TLL2: variants seen among roughly 807,000 people sequenced by gnomAD.
The protein encoded by TLL2 is tolloid-like protein 2.
A neutral mutation model predicts 123.0 loss-of-function variants in TLL2; 106 were observed. The ratio of observed to expected loss-of-function variants is 0.86; its 90% CI spans 0.74 to 1.01. TLL2 has a LOEUF of 1.01. TLL2 is among the 50% of genes least tolerant of loss of function. The probability of loss-of-function intolerance (pLI) is 0.00; values close to 1 mark genes in which losing one functional copy is unlikely to be tolerated. For synonymous variants in TLL2, 494 were observed against 516.8 expected (o/e 0.96, Z 0.60); for missense variants, 1,332 against 1,336.7 (o/e 1.00, Z 0.06).
At chr10:96,410,620 A>G in intron 8 of TLL2, 146 bp from the exon 9 acceptor site, 1 of 717,544 alleles carries the variant, frequency 1.4e-6, no homozygotes, top group South Asian at 1.5e-5. Context: ...AAGCAGATTG[A>G]TGTTTTCTGG....
rs563519327 is a variant in TLL2 at position 96,471,357 on chromosome 10, T to C, written c.286+8992A>G. Among the ~76,000 whole-genome samples the C allele has an allele frequency of 2.9e-3, 434 of 152,166 alleles. 3 individuals are homozygous for C. Among genetic ancestry groups the C allele is most frequent in the South Asian group, 0.02 (94 of 4,808 alleles). Reference sequence around the variant, plus strand: ...GATTCAGAGATTTCCCATGTGCTGGTTGGAATCCAAATCCAAGCATCTGAT... The same window carrying C: ...GATTCAGAGATTTCCCATGTGCTGGCTGGAATCCAAATCCAAGCATCTGAT... On this transcript the variant is annotated intron_variant, in intron 2 of 20. Transcript: ENST00000357947.
At position 96,390,030 on chromosome 10, in the gene TLL2, G is replaced by A. The variant is rs145528691; in HGVS notation, c.1727-2952C>T. Among the ~76,000 whole-genome samples, 604 of 152,380 alleles carry A rather than the reference G, an allele frequency of 4.0e-3. 4 individuals carry two copies. The highest frequency in any genetic ancestry group is 0.014 in the African/African-American group (578 of 41,592). On this transcript the variant is annotated intron_variant, in intron 13 of 20. Coordinates refer to ENST00000357947, the MANE Select transcript of TLL2 (RefSeq NM_012465.4). ...CACTGGCTCGTGCTTGCTCTGGGCT[G>A]CAGAGGCCAAGGCCAAGGCCAAGCC...
At chr10:96,389,663 GGA>G (rs1846265919) in intron 13 of TLL2, among the ~76,000 whole-genome samples, 1 of 152,190 alleles carries the variant, frequency 6.6e-6, no homozygotes, top group African/African-American at 2.4e-5. Context: ...GGGGTCTGCA[GGA>G]GACTCTGATA....
At chr10:96,451,165 C>G (rs901391239) in intron 2 of TLL2, among the ~76,000 whole-genome samples, 7 of 152,210 alleles carry the variant, frequency 4.6e-5, no homozygotes, top group Non-Finnish European at 8.8e-5. Context: ...CTTTATGGAA[C>G]AATTCACTAA....
At chr10:96,405,569 A>G (rs1846441644) in intron 9 of TLL2, among the ~76,000 whole-genome samples, 1 of 152,192 alleles carries the variant, frequency 6.6e-6, no homozygotes, top group Non-Finnish European at 1.5e-5. Flanking sequence ...TGTCTGGGGA[A>G]TCACTTGAGC....
chr10:96,510,664 T>C lies in TLL2; in HGVS notation c.175+2847A>G, dbSNP rs1847619834. On this transcript the variant is annotated intron_variant, in intron 1 of 20. Coordinates refer to ENST00000357947, the MANE Select transcript of TLL2 (RefSeq NM_012465.4). ...GATTTGCCCAAGGATACACAGCTTG[T>C]AAGTGGCAGAGTAAATGGTAAAAAT... Among the ~76,000 whole-genome samples the C allele has an allele frequency of 2.0e-5, 3 of 152,184 alleles. No individual in the cohort carries two copies. The South Asian group carries it at 6.2e-4, about 32-fold the overall frequency.
At chr10:96,383,915 G>A (rs1275592497) in intron 16 of TLL2, among the ~76,000 whole-genome samples, 2 of 151,268 alleles carry the variant, frequency 1.3e-5, no homozygotes, top group African/African-American at 4.9e-5. Context: ...ACAGGCATGA[G>A]CCACCACGCC....
chr10:96,425,493 T>A (rs111798114), intron 5 of TLL2, among the ~76,000 whole-genome samples: 2 of 152,002 alleles, frequency 1.3e-5, no homozygotes, highest in East Asian at 1.9e-4. Flanking sequence ...GGAAGCAATA[T>A]GCTTTCTATT....
At chr10:96,449,626 T>C (rs1589425352) in intron 2 of TLL2, among the ~76,000 whole-genome samples, 1 of 152,170 alleles carries the variant, frequency 6.6e-6, no homozygotes, top group Non-Finnish European at 1.5e-5. Context: ...GGCTCCCCCC[T>C]GCCCTTGGGA....
intron 5 of TLL2, among the ~76,000 whole-genome samples, chr10:96,424,503 A>G (rs1208869425): frequency 1.3e-5 from 2 of 152,124 alleles, no homozygotes; most frequent in African/African-American, 4.8e-5. Flanking sequence ...CCTGGCCAAC[A>G]CTGGTTTTAT....
At chr10:96,374,792 G>A (rs545969245) in intron 18 of TLL2, among the ~76,000 whole-genome samples, 3 of 152,266 alleles carry the variant, frequency 2.0e-5, no homozygotes, top group South Asian at 2.1e-4. Context: ...CGCCAGGGGC[G>A]CCGCACCATT....
intron 20 of TLL2, among the ~76,000 whole-genome samples, chr10:96,368,953 C>T (rs1328658784): frequency 6.6e-6 from 1 of 152,164 alleles, no homozygotes; most frequent in Non-Finnish European, 1.5e-5. Flanking sequence ...TGGTTAAGTG[C>T]CACTTTGTCA....
At chr10:96,508,831 C>A (rs762908535) in intron 1 of TLL2, among the ~76,000 whole-genome samples, 1 of 152,052 alleles carries the variant, frequency 6.6e-6, no homozygotes, top group African/African-American at 2.4e-5. Context: ...AAACTGGCCG[C>A]AATGACATCT....
chr10:96,397,329 G>C, intron 10 of TLL2, 27 bp from the exon 11 acceptor site: 1 of 1,579,692 alleles, frequency 6.3e-7, no homozygotes, highest in Admixed American at 1.7e-5. Context: ...GAAGCAGTTA[G>C]GAGCCCTGGG....
At chr10:96,475,143 C>A (rs1394917652) in intron 2 of TLL2, among the ~76,000 whole-genome samples, 1 of 152,116 alleles carries the variant, frequency 6.6e-6, no homozygotes, top group East Asian at 1.9e-4. Context: ...ACAAGGTTGC[C>A]AGAAAGATAA....
chr10:96,502,034 A>G (rs1257339589), intron 1 of TLL2, among the ~76,000 whole-genome samples: 1 of 152,214 alleles, frequency 6.6e-6, no homozygotes, highest in Admixed American at 6.5e-5. Context: ...AAAGGCGATG[A>G]GAAACTTGAA....
intron 10 of TLL2, among the ~76,000 whole-genome samples, chr10:96,399,806 A>C (rs976892205): frequency 6.6e-6 from 1 of 152,212 alleles, no homozygotes; most frequent in Non-Finnish European, 1.5e-5. Context: ...ACAGCCACTG[A>C]GGCTTGTTTC....
intron 1 of TLL2, among the ~76,000 whole-genome samples, chr10:96,482,937 T>G (rs924163060): frequency 2.0e-5 from 3 of 152,194 alleles, no homozygotes; most frequent in Admixed American, 1.3e-4. Context: ...AAACTAAGAA[T>G]GTGTTTCTCT....
At chr10:96,489,589 G>A (rs966951927) in intron 1 of TLL2, among the ~76,000 whole-genome samples, 1 of 152,112 alleles carries the variant, frequency 6.6e-6, no homozygotes, top group Middle Eastern at 3.2e-3. Flanking sequence ...CATGGTACCC[G>A]CTAACCACAT....
Sources: allele counts gnomAD v4.1 joint callset (sites outside exome capture counted in the v4.1 genomes callset), GRCh38; gene constraint gnomAD v4.1.1; transcripts MANE v1.5; gene names NCBI Gene and HGNC (gene_info 2026-07-23, HGNC 2026-07-21).